The following USP50 variants were observed in gnomAD, a reference collection of about 807,000 sequenced individuals.
USP50 encodes ubiquitin carboxyl-terminal hydrolase 50.
USP50 carries 37 observed loss-of-function variants against 39.2 expected under a neutral mutation model. The ratio of observed to expected loss-of-function variants is 0.94; its 90% CI spans 0.73 to 1.24. USP50 has a LOEUF of 1.24. Ranked by LOEUF, USP50 falls within the 50% of genes most tolerant of loss-of-function variation. The probability of loss-of-function intolerance (pLI) is 0.00; values close to 1 mark genes in which losing one functional copy is unlikely to be tolerated. For synonymous variants in USP50, 139 were observed against 144.5 expected, an observed-to-expected ratio of 0.96 and a Z score of 0.27; for missense variants, 374 against 398.2, an observed-to-expected ratio of 0.94 and a Z score of 0.52.
At chr15:50,514,672 G>A (rs962150181) in intron 6 of USP50, among the ~76,000 whole-genome samples, 3 of 152,156 alleles carry the variant, frequency 2.0e-5, no homozygotes, top group East Asian at 3.9e-4. Flanking sequence ...GGGATTACAG[G>A]CGCATGCCAC....
intron 6 of USP50, chr15:50,511,852 T>C (rs1325544012): frequency 2.0e-5 from 3 of 151,720 alleles, no homozygotes; most frequent in South Asian, 2.1e-4. Flanking sequence ...ACAAAAATTA[T>C]TGGGGCATGG....
Position 50,544,613 on chromosome 15 carries a change from G to A in USP50, c.222C>T (p.Thr74=), listed in dbSNP as rs374263114. Reference sequence around the variant, plus strand: ...TTTGCAGAGCGGTGATATACTTCCCGGTGAGAAAGTATTCCACCAGCGGCA... The same window carrying A: ...TTTGCAGAGCGGTGATATACTTCCCAGTGAGAAAGTATTCCACCAGCGGCA... The part of the protein sequence containing the change: ...SILPLVEYFL[T]GKYITALQND... Residue 74 remains threonine, a synonymous_variant, in exon 2 of 7, where the codon ACC becomes ACT. Transcript: ENST00000532404. 8.6e-4 allele frequency: 1,385 copies of A among 1,613,444 alleles called. 10 individuals are homozygous for A. The highest frequency in any genetic ancestry group is 7.4e-3 in the South Asian group (671 of 90,958).
At chr15:50,519,510 C>T (rs1349488297) in intron 6 of USP50, among the ~76,000 whole-genome samples, 1 of 151,740 alleles carries the variant, frequency 6.6e-6, no homozygotes, top group African/African-American at 2.4e-5. Flanking sequence ...GTCAGCAGAT[C>T]GAGACCATCT....
chr15:50,517,119 G>T (rs905391090), intron 6 of USP50, among the ~76,000 whole-genome samples: 1 of 152,156 alleles, frequency 6.6e-6, no homozygotes, highest in Non-Finnish European at 1.5e-5. Context: ...TTATTCTCAA[G>T]CACATGCAGA....
intron 6 of USP50, among the ~76,000 whole-genome samples, chr15:50,517,277 C>T (rs1342384801): frequency 6.6e-6 from 1 of 151,688 alleles, no homozygotes; most frequent in Non-Finnish European, 1.5e-5. Flanking sequence ...TCAAGACCAG[C>T]CTGGCCAATG....
At chr15:50,532,634 T>G (rs1420461567) in intron 5 of USP50, among the ~76,000 whole-genome samples, 5 of 152,040 alleles carry the variant, frequency 3.3e-5, no homozygotes, top group Non-Finnish European at 7.4e-5. Flanking sequence ...AAACACACAG[T>G]TTGAAGAGAC....
chr15:50,521,438 A>C (rs2052850015), intron 6 of USP50, among the ~76,000 whole-genome samples: 1 of 152,226 alleles, frequency 6.6e-6, no homozygotes, highest in African/African-American at 2.4e-5. Context: ...TTTAAAAACA[A>C]TTTCAGAAAA....
At chr15:50,499,483 G>GAATGT (rs1277237934), downstream of USP50, 1 of 154,856 alleles carries the variant, frequency 6.5e-6, no homozygotes, top group African/African-American at 2.4e-5. Context: ...AAGCAGATAG[G>GAATGT]AATGTATGTG....
chr15:50,494,687 GA>G (rs545526836), intron 1 of USP50, among the ~76,000 whole-genome samples: 24 of 152,042 alleles, frequency 1.6e-4, no homozygotes, highest in Non-Finnish European at 3.5e-4. Context: ...GCTGAAAGTG[GA>G]ACATGCCTTT....
At chr15:50,545,885 T>C (rs1177083303) in intron 1 of USP50, among the ~76,000 whole-genome samples, 1 of 151,708 alleles carries the variant, frequency 6.6e-6, no homozygotes. Flanking sequence ...GCAGGTATCA[T>C]GCAAGCTACT....
chr15:50,514,416 G>T (rs2052781242), intron 6 of USP50: 2 of 152,066 alleles, frequency 1.3e-5, no homozygotes, highest in Non-Finnish European at 2.9e-5. Context: ...GTTTATTTTT[G>T]GTCAAGGGCA....
At chr15:50,538,555 G>A (rs1274034328) in intron 5 of USP50, among the ~76,000 whole-genome samples, 154 bp downstream of exon 5, 1 of 152,042 alleles carries the variant, frequency 6.6e-6, no homozygotes, top group Non-Finnish European at 1.5e-5. Context: ...TTTGTGTTAT[G>A]CTGTATATAT....
intron 6 of USP50, among the ~76,000 whole-genome samples, chr15:50,529,228 G>A (rs2052921371): frequency 6.6e-6 from 1 of 152,014 alleles, no homozygotes. Context: ...AGCTATCAGA[G>A]GCTGGGCATG....
In USP50 at chr15:50,500,815, C is replaced by A. The variant is rs1337612413; in HGVS notation, c.959G>T (p.Gly320Val). 1 of 1,586,194 alleles carries A rather than the reference C, an allele frequency of 6.3e-7. No individual in the cohort carries two copies. Among genetic ancestry groups the A allele is most frequent in the Admixed American group, 1.8e-5 (1 of 55,574 alleles). The change falls in exon 7 of 7, where the codon GGT (glycine) becomes GTT (valine). Residue 320 changes from glycine (G) to valine (V), a missense_variant. Transcript: ENST00000532404. Reference sequence around the variant, plus strand: ...CTTGCAGAAAGCAGTGTAGTGGCCACCATCCAAATCACCAAAATGGTTCTA... The same window carrying A: ...CTTGCAGAAAGCAGTGTAGTGGCCAACATCCAAATCACCAAAATGGTTCTA... Reference protein sequence around the residue: ...AVVNHFGDLDGGHYTAFCKNS... With the variant: ...AVVNHFGDLDVGHYTAFCKNS...
At chr15:50,535,066 G>C (rs2052968991) in intron 5 of USP50, among the ~76,000 whole-genome samples, 1 of 151,970 alleles carries the variant, frequency 6.6e-6, no homozygotes, top group Non-Finnish European at 1.5e-5. Context: ...TTAAACCCAG[G>C]AGGCAGAGTT....
intron 1 of USP50, among the ~76,000 whole-genome samples, chr15:50,495,093 A>C (rs1276194807): frequency 2.0e-5 from 3 of 151,716 alleles, no homozygotes; most frequent in Non-Finnish European, 4.4e-5. Flanking sequence ...GCATGTATGT[A>C]TACATAAATG....
intron 6 of USP50, chr15:50,505,142 C>G (rs897028098): frequency 6.6e-6 from 1 of 151,878 alleles, no homozygotes; most frequent in South Asian, 2.1e-4. Context: ...AGTAGGGGAG[C>G]AAGGCAATAT....
At position 50,500,634 on chromosome 15, in the gene USP50, G is replaced by A. The variant is rs896162795; in HGVS notation, c.*135C>T. On this transcript the variant is annotated 3_prime_UTR_variant, in exon 7 of 7. Transcript: ENST00000532404. ...TGACTGCTTGTTTTGCAGTGTTCAGGAAACACCATTTTCCTGGCTCTTAAC... is the reference window on the plus strand; with the variant it reads ...TGACTGCTTGTTTTGCAGTGTTCAGAAAACACCATTTTCCTGGCTCTTAAC... The A allele has an allele frequency of 9.9e-6, 8 of 805,162 alleles. No individual in the cohort carries two copies. The African/African-American group carries it at 1.2e-4, about 12-fold the overall frequency. The allele number at this position is 805,162 out of a possible 1,614,324, so 49.9% of individuals were successfully genotyped here. A position where few individuals can be genotyped will look rare whatever the true frequency, so the allele number is the denominator to read the frequency against.
intron 5 of USP50, among the ~76,000 whole-genome samples, chr15:50,530,410 C>T (rs896802232): frequency 3.3e-5 from 5 of 151,874 alleles, no homozygotes; most frequent in Admixed American, 6.6e-5. Flanking sequence ...GGTGAAACCT[C>T]GTCTCTACTA....
Sources: allele counts gnomAD v4.1 joint callset (sites outside exome capture counted in the v4.1 genomes callset), GRCh38; gene constraint gnomAD v4.1.1; transcripts MANE v1.5; gene names NCBI Gene and HGNC (gene_info 2026-07-23, HGNC 2026-07-21).